BARHL1: variants seen among roughly 807,000 people sequenced by gnomAD.
BARHL1 encodes the protein barH-like 1 homeobox protein.
BARHL1 carries 2 observed loss-of-function variants against 20.1 expected under a neutral mutation model. The observed-to-expected ratio is 0.10, with a 90% CI of 0.04 to 0.31. The LOEUF is 0.31. BARHL1 is among the 10% of genes least tolerant of loss of function. The pLI, the probability that BARHL1 is intolerant of heterozygous loss-of-function variation, is 1.00. For missense variants in BARHL1, 397 were observed against 454.0 expected, an observed-to-expected ratio of 0.87 and a Z score of 1.14; for synonymous variants, 213 against 209.9, an observed-to-expected ratio of 1.01 and a Z score of -0.13.
At position 132,587,636 on chromosome 9, in the gene BARHL1, T is replaced by A; in HGVS notation, c.689+85T>A. 9 of 1,357,048 alleles carry A rather than the reference T, an allele frequency of 6.6e-6. No individual in the cohort carries two copies. Among genetic ancestry groups the A allele is most frequent in the Non-Finnish European group, 9.1e-6 (9 of 986,922 alleles). The allele number at this position is 1,357,048 out of a possible 1,614,324, so 84.1% of individuals were successfully genotyped here. On this transcript the variant is annotated intron_variant, in intron 2 of 2. Transcript: ENST00000263610. The surrounding 1 kb of genome is among the most constrained non-coding windows in gnomAD (Gnocchi z 5.5). Reference sequence around the variant, plus strand: ...TGGAGGGGACCAGGAGTCTACAGGTTGGTGCTAAGGGAGGGCCCCAGAGCC... The same window carrying A: ...TGGAGGGGACCAGGAGTCTACAGGTAGGTGCTAAGGGAGGGCCCCAGAGCC...
chr9:132,583,657 T>C (rs940606705), intron 1 of BARHL1, among the ~76,000 whole-genome samples: 1 of 152,230 alleles, frequency 6.6e-6, no homozygotes, highest in Non-Finnish European at 1.5e-5. Flanking sequence ...TTCTGCTTTA[T>C]AGAGTGAAAA....
At chr9:132,586,115 G>A (rs1017110514) in intron 1 of BARHL1, among the ~76,000 whole-genome samples, 1 of 152,250 alleles carries the variant, frequency 6.6e-6, no homozygotes, top group African/African-American at 2.4e-5. Flanking sequence ...GGCTCACCAG[G>A]CTGGATGCCA....
chr9:132,586,240 C>A (rs1311256883), intron 1 of BARHL1, among the ~76,000 whole-genome samples: 1 of 152,230 alleles, frequency 6.6e-6, no homozygotes, highest in Non-Finnish European at 1.5e-5. Context: ...TTCAGCTGAA[C>A]CCCGTCACTG....
intron 1 of BARHL1, among the ~76,000 whole-genome samples, chr9:132,585,915 G>T (rs548364742): frequency 1.3e-5 from 2 of 152,362 alleles, no homozygotes; most frequent in East Asian, 3.9e-4. Flanking sequence ...TTGAGATTTG[G>T]ATGATCGTTT....
At chr9:132,584,664 A>T (rs1830119339) in intron 1 of BARHL1, among the ~76,000 whole-genome samples, 1 of 152,130 alleles carries the variant, frequency 6.6e-6, no homozygotes, top group African/African-American at 2.4e-5. Context: ...TTTCCCCCAC[A>T]CAAATGGCCG....
chr9:132,587,205 C>A lies in BARHL1; in HGVS notation c.467-124C>A. On this transcript the variant is annotated intron_variant, in intron 1 of 2. Coordinates refer to ENST00000263610, the MANE Select transcript of BARHL1 (RefSeq NM_020064.4). This position sits in a 1 kb window ranked among gnomAD's most constrained non-coding sequence, Gnocchi z 5.5. ...AGGTCCCGTCTGAGAGCGGCCCCCG[C>A]GAGCTTGGGTGTCGCGGAACCACCG... is the stretch of plus-strand genomic sequence containing the variant. 2 of 945,504 alleles carry A rather than the reference C, an allele frequency of 2.1e-6. No individual in the cohort carries two copies. Among genetic ancestry groups the A allele is most frequent in the Non-Finnish European group, 3.2e-6 (2 of 632,710 alleles). The allele number at this position is 945,504 out of a possible 1,614,324, so 58.6% of individuals were successfully genotyped here.
In BARHL1 at chr9:132,589,295, C is replaced by G. The variant is rs923993915; in HGVS notation, c.757C>G (p.Leu253Val). The change falls in exon 3 of 3, where the codon CTC (leucine) becomes GTC (valine). Residue 253 changes from leucine (L) to valine (V), a missense_variant. Transcript: ENST00000263610. ...LLAEAGNYSA[L>V]QRMFPSPYFY... The stretch of plus-strand genomic sequence containing the variant: ...GGCGGAGGCAGGCAATTACTCAGCG[C>G]TCCAGCGGATGTTCCCGTCGCCTTA... 1 of 1,613,378 alleles carries G rather than the reference C, an allele frequency of 6.2e-7. No individual in the cohort carries two copies. The highest frequency in any genetic ancestry group is 1.3e-5 in the African/African-American group (1 of 74,948).
intron 1 of BARHL1, among the ~76,000 whole-genome samples, chr9:132,586,944 C>T (rs541473483): frequency 6.6e-6 from 1 of 152,374 alleles, no homozygotes; most frequent in Non-Finnish European, 1.5e-5. Flanking sequence ...GAGCTCACTC[C>T]GCCAGAAACC....
rs550551470 is a variant in BARHL1 at position 132,585,047 on chromosome 9, C to G, written c.466+1784C>G. Among the ~76,000 whole-genome samples the G allele has an allele frequency of 5.6e-4, 86 of 152,274 alleles. 1 individual carries two copies. The South Asian group carries it at 0.017, about 30-fold the overall frequency. On this transcript the variant is annotated intron_variant, in intron 1 of 2. Transcript: ENST00000263610. Reference sequence around the variant, plus strand: ...CTTGCCTCCTTTTATTTATTTGCCCCCAGGAAGGATTTTGAGGACAGGTTT... The same window carrying G: ...CTTGCCTCCTTTTATTTATTTGCCCGCAGGAAGGATTTTGAGGACAGGTTT...
rs1348653007 is a variant in BARHL1, at chr9:132,589,529, C to T, written c.*7C>T. The T allele has an allele frequency of 7.6e-7, 1 of 1,308,708 alleles. No homozygotes were observed. Among genetic ancestry groups the T allele is most frequent in the Non-Finnish European group, 9.7e-7 (1 of 1,032,928 alleles). The allele number at this position is 1,308,708 out of a possible 1,614,324, so 81.1% of individuals were successfully genotyped here. The stretch of plus-strand genomic sequence containing the variant: ...CGCCGCGCAGCCTCGGTGAGGCGCC[C>T]GTCGGCTCCGGGGCCTCCTCCCGCG... On this transcript the variant is annotated 3_prime_UTR_variant, in exon 3 of 3. Transcript: ENST00000263610.
chr9:132,588,758 C>G (rs1447994289), intron 2 of BARHL1, among the ~76,000 whole-genome samples: 2 of 151,850 alleles, frequency 1.3e-5, no homozygotes, highest in African/African-American at 2.4e-5. Flanking sequence ...GCCCGGCCAG[C>G]CTGCAGAGGA....
chr9:132,585,950 T>A (rs1830139493), intron 1 of BARHL1, among the ~76,000 whole-genome samples: 1 of 152,256 alleles, frequency 6.6e-6, no homozygotes, highest in African/African-American at 2.4e-5. Flanking sequence ...AAACTATCTG[T>A]CTGCACAGAC....
chr9:132,589,623 C>T lies in BARHL1; in HGVS notation c.*101C>T, dbSNP rs956853942. On this transcript the variant is annotated 3_prime_UTR_variant, in exon 3 of 3. Transcript: ENST00000263610. ...TTCGACGCCCTTTCCCGGGAGGGGGCCCTGCCCGGCCCTCCCTGGCGCCCC... is the reference window on the plus strand; with the variant it reads ...TTCGACGCCCTTTCCCGGGAGGGGGTCCTGCCCGGCCCTCCCTGGCGCCCC... 4 of 1,223,732 alleles carry T rather than the reference C, an allele frequency of 3.3e-6. No homozygotes were observed. Among genetic ancestry groups the T allele is most frequent in the East Asian group, 3.5e-5 (1 of 28,906 alleles). 75.8% of individuals were successfully genotyped at this position (1,223,732 alleles called of 1,614,324 possible). A position where few individuals can be genotyped will look rare whatever the true frequency, so the allele number is the denominator to read the frequency against.
intron 1 of BARHL1, among the ~76,000 whole-genome samples, chr9:132,585,444 A>G (rs1830131362): frequency 6.6e-6 from 1 of 152,244 alleles, no homozygotes; most frequent in Admixed American, 6.5e-5. Flanking sequence ...AGTTTCTGCT[A>G]TCAAAGGCTC....
rs1830158901 is a variant in BARHL1, at chr9:132,587,743, T to C, written c.689+192T>C. On this transcript the variant is annotated intron_variant, in intron 2 of 2. Coordinates refer to ENST00000263610, the MANE Select transcript of BARHL1 (RefSeq NM_020064.4). The surrounding 1 kb of genome is among the most constrained non-coding windows in gnomAD (Gnocchi z 5.5). ...AAGTCCCCACAGCGAGGGACAGAGA[T>C]GAGACTAGACTTGGTGTCCAGCGTC... Among the ~76,000 whole-genome samples, 1 of 152,168 alleles carries C rather than the reference T, an allele frequency of 6.6e-6. No homozygotes were observed.
chr9:132,587,383 G>A lies in BARHL1; in HGVS notation c.521G>A (p.Arg174His), dbSNP rs55836017. ...AGCTCCAGGGACAGTCCCCCGGTGC[G>A]CCTGAAAAAGCCACGCAAGGCGCGC... is the stretch of plus-strand genomic sequence containing the variant. The part of the protein sequence containing the change: ...ISSSRDSPPV[R>H]LKKPRKARTA... The change falls in exon 2 of 3, where the codon CGC becomes CAC. Residue 174 changes from arginine to histidine, a missense_variant. By Grantham distance (29) the Arg-to-His change is conservative. Around this residue, in one of 3 missense-constraint regions of BARHL1, gnomAD observed 272 missense variants for 298.7 expected, o/e 0.91. Transcript: ENST00000263610. The surrounding 1 kb of genome is among the most constrained non-coding windows in gnomAD (Gnocchi z 5.5). 11 of 1,611,814 alleles carry A rather than the reference G, an allele frequency of 6.8e-6. No individual in the cohort carries two copies. The highest frequency in any genetic ancestry group is 8.5e-6 in the Non-Finnish European group (10 of 1,179,610).
chr9:132,584,974 A>G (rs1409125661), intron 1 of BARHL1, among the ~76,000 whole-genome samples: 1 of 152,248 alleles, frequency 6.6e-6, no homozygotes, highest in African/African-American at 2.4e-5. Flanking sequence ...AAAGAGCACG[A>G]ATCTTCCACC....
At chr9:132,584,715 T>C (rs1247432541) in intron 1 of BARHL1, among the ~76,000 whole-genome samples, 2 of 152,074 alleles carry the variant, frequency 1.3e-5, no homozygotes, top group Non-Finnish European at 2.9e-5. Flanking sequence ...GCCTGGAAAG[T>C]AGGCAGGTTT....
At chr9:132,586,540 T>A (rs1830145894) in intron 1 of BARHL1, among the ~76,000 whole-genome samples, 4 of 152,236 alleles carry the variant, frequency 2.6e-5, no homozygotes, top group Admixed American at 1.3e-4. Context: ...CTGTGGGGTG[T>A]AAACACACGA....
Sources: allele counts gnomAD v4.1 joint callset (sites outside exome capture counted in the v4.1 genomes callset), GRCh38; gene constraint gnomAD v4.1.1; regional missense constraint gnomAD v4.1.1; non-coding constraint Gnocchi (gnomAD v3.1); transcripts MANE v1.5; gene names NCBI Gene and HGNC (gene_info 2026-07-23, HGNC 2026-07-21).